The following FBN3 variants were observed in gnomAD, a reference collection of about 807,000 sequenced individuals.
FBN3 encodes fibrillin-3.
A neutral mutation model predicts 330.1 loss-of-function variants in FBN3; 234 were observed. The observed-to-expected ratio is 0.71, with a 90% CI of 0.64 to 0.79. The LOEUF (loss-of-function observed/expected upper bound fraction) is 0.79. FBN3 is among the 30% of genes least tolerant of loss of function. The pLI, the probability that FBN3 is intolerant of heterozygous loss-of-function variation, is 0.00. For missense variants in FBN3, 3,606 were observed against 3,886.9 expected, an observed-to-expected ratio of 0.93 and a Z score of 1.92; for synonymous variants, 1,458 against 1,517.3, an observed-to-expected ratio of 0.96 and a Z score of 0.91.
chr19:8,081,034 G>T lies in FBN3; in HGVS notation c.7422C>A (p.Pro2474=). 1 of 1,613,230 alleles carries T rather than the reference G, an allele frequency of 6.2e-7. No individual in the cohort carries two copies. Among genetic ancestry groups the T allele is most frequent in the Non-Finnish European group, 8.5e-7 (1 of 1,179,886 alleles). The change falls in exon 59 of 64, where the codon CCC becomes CCA. Residue 2474 remains proline (P), a synonymous_variant. Coordinates refer to ENST00000600128, the MANE Select transcript of FBN3 (RefSeq NM_032447.5). ...TVGAFTCRCP[P]GFTQHHQACF... is the part of the protein sequence containing the mutation. Reference sequence around the variant, plus strand: ...AGGCCTGGTGGTGCTGGGTGAAGCCGGGCGGACAGCGGCAGGTGAAGGCGC... The same window carrying T: ...AGGCCTGGTGGTGCTGGGTGAAGCCTGGCGGACAGCGGCAGGTGAAGGCGC...
In FBN3 at chr19:8,135,941, C is replaced by CCCCCCCCCCCCCCCCCCCCCCCCCA; in HGVS notation, c.1591+19_1591+20insTGGGGGGGGGGGGGGGGGGGGGGGG. On this transcript the variant is annotated intron_variant, in intron 13 of 63. Coordinates refer to ENST00000600128, the MANE Select transcript of FBN3 (RefSeq NM_032447.5). ...AGTGGGGCCCGGAAGCCCCTGCCCACCCGCCCACCCCCAACTCACCCACAC... is the reference window on the plus strand; with the variant it reads ...AGTGGGGCCCGGAAGCCCCTGCCCACCCCCCCCCCCCCCCCCCCCCCCCCACCGCCCACCCCCAACTCACCCACAC... 1 of 441,532 alleles carries CCCCCCCCCCCCCCCCCCCCCCCCCA rather than the reference C, an allele frequency of 2.3e-6. No homozygotes were observed. The highest frequency in any genetic ancestry group is 7.1e-5 in the East Asian group (1 of 14,054). The allele number at this position is 441,532 out of a possible 1,614,324, so 27.4% of individuals were successfully genotyped here.
intron 57 of FBN3, among the ~76,000 whole-genome samples, chr19:8,081,987 G>A (rs1384589523): frequency 7.4e-6 from 1 of 134,946 alleles, no homozygotes; most frequent in Non-Finnish European, 1.6e-5. Flanking sequence ...TTCTTGAGAC[G>A]GAGTCTCGTT....
intron 38 of FBN3, among the ~76,000 whole-genome samples, chr19:8,105,707 A>G (rs8111372): frequency 0.24 from 36,850 of 152,156 alleles, 5,360 homozygotes; most frequent in East Asian, 0.5. Context: ...TGTCACCAAA[A>G]ATAGCAGAGC....
chr19:8,081,626 G>T, intron 57 of FBN3, 146 bp from the exon 58 acceptor site: 1 of 888,800 alleles, frequency 1.1e-6, no homozygotes, highest in Non-Finnish European at 1.6e-6. Context: ...AAAAAGCCAG[G>T]TGGGAAATAC....
In FBN3 at chr19:8,135,936, GCCCAC is replaced by G; in HGVS notation, c.1591+20_1591+24del. 7.5e-6 allele frequency: 5 copies of G among 668,776 alleles called. No homozygotes were observed. Among genetic ancestry groups the G allele is most frequent in the Admixed American group, 2.9e-5 (1 of 34,742 alleles). The allele number at this position is 668,776 out of a possible 1,614,324, so 41.4% of individuals were successfully genotyped here. A position where few individuals can be genotyped will look rare whatever the true frequency, so the allele number is the denominator to read the frequency against. On this transcript the variant is annotated intron_variant, in intron 13 of 63. Coordinates refer to ENST00000600128, the MANE Select transcript of FBN3 (RefSeq NM_032447.5). ...CAGCTAGTGGGGCCCGGAAGCCCCT[GCCCAC>G]CCGCCCACCCCCAACTCACCCACAC...
At chr19:8,082,952 G>A (rs546901306) in intron 57 of FBN3, among the ~76,000 whole-genome samples, 52 of 152,166 alleles carry the variant, frequency 3.4e-4, no homozygotes, top group African/African-American at 1.1e-3. Context: ...GGCTACAGGC[G>A]CATGTGGGAC....
chr19:8,147,808 T>C (rs1167614563), intron 1 of FBN3: 1 of 260,010 alleles, frequency 3.8e-6, no homozygotes, highest in Non-Finnish European at 7.3e-6. Context: ...GGAGTGGGCA[T>C]AGCAGTGTCA....
At chr19:8,089,046 G>GTGAATAAGTGAGTAAA (rs780888206) in intron 51 of FBN3, among the ~76,000 whole-genome samples, 1 of 151,916 alleles carries the variant, frequency 6.6e-6, no homozygotes, top group Non-Finnish European at 1.5e-5. Context: ...GAGTGAATGA[G>GTGAATAAGTGAGTAAA]TGAATAAGTG....
chr19:8,137,464 C>T (rs1568452069), intron 10 of FBN3, among the ~76,000 whole-genome samples: 1 of 152,066 alleles, frequency 6.6e-6, no homozygotes, highest in Non-Finnish European at 1.5e-5. Flanking sequence ...GAGCCTAGAT[C>T]CCTCTAACCT....
chr19:8,138,356 G>A, intron 9 of FBN3, 33 bp from the exon 10 acceptor site: 3 of 1,610,570 alleles, frequency 1.9e-6, no homozygotes, highest in South Asian at 2.2e-5. Flanking sequence ...CCAGGCCCTT[G>A]GCCCTCCCCT....
chr19:8,070,409 C>T (rs1599253525), intron 63 of FBN3, among the ~76,000 whole-genome samples: 1 of 152,324 alleles, frequency 6.6e-6, no homozygotes, highest in East Asian at 1.9e-4. Context: ...TTCACTGTTG[C>T]TCCATTACAG....
chr19:8,112,109 G>A lies in FBN3; in HGVS notation c.3839-10C>T. Reference sequence around the variant, plus strand: ...TCGCATTCATCCACATCTAAAGGGAGAGGAGGCACGACGCCAAGACCCAGT... The same window carrying A: ...TCGCATTCATCCACATCTAAAGGGAAAGGAGGCACGACGCCAAGACCCAGT... On this transcript the variant is annotated splice_polypyrimidine_tract_variant and intron_variant, in intron 30 of 63. Transcript: ENST00000600128. The A allele has an allele frequency of 6.2e-7, 1 of 1,611,616 alleles. No individual in the cohort carries two copies. Among genetic ancestry groups the A allele is most frequent in the Non-Finnish European group, 8.5e-7 (1 of 1,178,608 alleles).
At chr19:8,081,621 G>T in intron 57 of FBN3, 141 bp from the exon 58 acceptor site, 2 of 989,448 alleles carry the variant, frequency 2.0e-6, no homozygotes, top group Non-Finnish European at 2.9e-6. Flanking sequence ...TCTGCAAAAA[G>T]CCAGGTGGGA....
At chr19:8,126,194 A>T in intron 21 of FBN3, 103 bp downstream of exon 21, 1 of 1,446,668 alleles carries the variant, frequency 6.9e-7, no homozygotes. Flanking sequence ...CCCATCGCAA[A>T]AGACTCCAGG....
At chr19:8,143,360 G>A (rs114669238) in intron 6 of FBN3, among the ~76,000 whole-genome samples, 2,657 of 152,114 alleles carry the variant, frequency 0.017, 91 homozygotes, top group African/African-American at 0.06. Flanking sequence ...GCCAGGGTGC[G>A]CCACTACCTT....
At chr19:8,111,933 TAC>T in intron 31 of FBN3, 42 bp downstream of exon 31, 1 of 358,638 alleles carries the variant, frequency 2.8e-6, no homozygotes, top group Non-Finnish European at 4.4e-6. Context: ...GCCCCCCACC[TAC>T]CTCTACTGCT....
intron 39 of FBN3, among the ~76,000 whole-genome samples, 168 bp downstream of exon 39, chr19:8,103,394 A>G (rs1054688098): frequency 3.3e-5 from 5 of 151,702 alleles, no homozygotes; most frequent in African/African-American, 4.8e-5. Flanking sequence ...GCAACTGTTC[A>G]TGGCAGCTCT....
chr19:8,089,896 T>C lies in FBN3; in HGVS notation c.6248A>G (p.Glu2083Gly). ...GAVPGPDDSR[E>G]DVNECAENPG... is the part of the protein sequence containing the mutation. ...TAGCATGTGGGTGAGGGGCTCACCT[T>C]CTCGGGAGTCATCCGGGCCTGGGAC... The change falls in exon 50 of 64, where the codon GAA (glutamate) becomes GGA (glycine). Residue 2083 changes from glutamate (E) to glycine (G), a missense_variant and splice_region_variant. Physicochemically the swap from Glu to Gly is moderately conservative, Grantham distance 98. Transcript: ENST00000600128. 2 of 1,596,822 alleles carry C rather than the reference T, an allele frequency of 1.3e-6. No homozygotes were observed. The highest frequency in any genetic ancestry group is 1.1e-5 in the South Asian group (1 of 89,038).
chr19:8,084,092 G>A (rs899815451), intron 56 of FBN3, among the ~76,000 whole-genome samples: 13 of 150,560 alleles, frequency 8.6e-5, no homozygotes, highest in Admixed American at 1.3e-4. Flanking sequence ...GTGAGCCACC[G>A]CGGCCCTCCC....
Sources: gnomAD v4.1 joint callset for allele counts (sites outside exome capture counted in the v4.1 genomes callset) on GRCh38, gnomAD v4.1.1 for gene constraint, MANE v1.5 for transcripts, NCBI Gene and HGNC (gene_info 2026-07-23, HGNC 2026-07-21) for gene names.